The following CCDC178 variants were observed in gnomAD, a reference collection of about 807,000 sequenced individuals.
The protein encoded by CCDC178 is coiled-coil domain containing 178.
CCDC178 carries 126 observed loss-of-function variants against 117.4 expected under a neutral mutation model. The observed-to-expected ratio is 1.07, with a 90% confidence interval of 0.93 to 1.24. CCDC178 has a LOEUF of 1.24. CCDC178 is among the 50% of genes most tolerant of loss of function. The pLI is 0.00. For missense variants in CCDC178, 1,030 were observed against 986.9 expected, an observed-to-expected ratio of 1.04 and a Z score of -0.59; for synonymous variants, 283 against 313.4, an observed-to-expected ratio of 0.90 and a Z score of 1.02.
chr18:33,287,852 T>C (rs1389052914), intron 12 of CCDC178, among the ~76,000 whole-genome samples: 1 of 152,154 alleles, frequency 6.6e-6, no homozygotes, highest in Non-Finnish European at 1.5e-5. Context: ...GGCCAGCGTA[T>C]TCATTTTAGA....
intron 22 of CCDC178, among the ~76,000 whole-genome samples, chr18:32,958,444 T>C (rs549507371): frequency 1.3e-5 from 2 of 152,302 alleles, no homozygotes; most frequent in South Asian, 2.1e-4. Context: ...AGCATTCCAA[T>C]AGATGTGTTT....
chr18:33,069,267 G>A (rs1377299463), intron 21 of CCDC178, among the ~76,000 whole-genome samples: 2 of 151,898 alleles, frequency 1.3e-5, no homozygotes, highest in South Asian at 2.1e-4. Flanking sequence ...TCACACTACC[G>A]GATTTTAAAG....
chr18:33,038,648 G>A (rs1042034429), intron 21 of CCDC178, among the ~76,000 whole-genome samples: 9 of 151,974 alleles, frequency 5.9e-5, no homozygotes, highest in Non-Finnish European at 1.3e-4. Flanking sequence ...AGAAAAAATA[G>A]CGCAGGCTAG....
chr18:33,075,881 A>C (rs1567972912), intron 21 of CCDC178, among the ~76,000 whole-genome samples: 1 of 152,192 alleles, frequency 6.6e-6, no homozygotes, highest in Admixed American at 6.5e-5. Context: ...AGGCAGGAGA[A>C]TCACTTGCTC....
chr18:33,128,035 C>T (rs560687193), intron 20 of CCDC178, among the ~76,000 whole-genome samples: 1 of 152,244 alleles, frequency 6.6e-6, no homozygotes, highest in African/African-American at 2.4e-5. Flanking sequence ...GAGAAAACTT[C>T]CAGGCTTGGA....
chr18:33,127,884 TGG>T (rs1329011374), intron 20 of CCDC178, among the ~76,000 whole-genome samples: 2 of 152,088 alleles, frequency 1.3e-5, no homozygotes, highest in African/African-American at 4.8e-5. Flanking sequence ...CCACTATCTC[TGG>T]ATGAAGGATT....
intron 11 of CCDC178, among the ~76,000 whole-genome samples, chr18:33,296,340 C>A (rs1345246976): frequency 6.6e-6 from 1 of 151,688 alleles, no homozygotes; most frequent in Non-Finnish European, 1.5e-5. Flanking sequence ...GTATTCTGAT[C>A]GTAGTGGTAG....
intron 11 of CCDC178, among the ~76,000 whole-genome samples, chr18:33,317,186 C>T (rs1163346312): frequency 6.6e-6 from 1 of 152,132 alleles, no homozygotes; most frequent in Non-Finnish European, 1.5e-5. Flanking sequence ...TGGGTCCACA[C>T]TGCCTTTATG....
chr18:33,232,939 ACTATT>A (rs2059384106), intron 15 of CCDC178, among the ~76,000 whole-genome samples: 1 of 152,124 alleles, frequency 6.6e-6, no homozygotes, highest in African/African-American at 2.4e-5. Context: ...AGATTTAAAC[ACTATT>A]CTATTATTGA....
chr18:33,134,000 C>T (rs2058096942), intron 20 of CCDC178, among the ~76,000 whole-genome samples: 1 of 151,672 alleles, frequency 6.6e-6, no homozygotes, highest in African/African-American at 2.4e-5. Flanking sequence ...TGATTTTGTC[C>T]CCTTAGATGC....
In CCDC178 at chr18:33,370,076, A is replaced by C. The variant is rs1685117484; in HGVS notation, c.322T>G (p.Ser108Ala). 1 of 1,594,668 alleles carries C rather than the reference A, an allele frequency of 6.3e-7. No individual in the cohort carries two copies. Among genetic ancestry groups the C allele is most frequent in the Non-Finnish European group, 8.5e-7 (1 of 1,172,004 alleles). Residue 108 changes from serine (S) to alanine (A), a missense_variant, in exon 6 of 23, where the codon TCC becomes GCC. Ser to Ala is a moderately conservative substitution (Grantham distance 99). Coordinates refer to ENST00000383096, the MANE Select transcript of CCDC178 (RefSeq NM_001105528.4). ...KMISHIQDVESKIQEHLKRFE... is the reference protein window; with the variant it reads ...KMISHIQDVEAKIQEHLKRFE... ...CTTTTCAAATGCTCCTGTATTTTGG[A>C]CTCCACATCTTGGATGTGTGAAATC...
intron 21 of CCDC178, among the ~76,000 whole-genome samples, chr18:33,076,343 G>A (rs879709577): frequency 6.6e-6 from 1 of 152,108 alleles, no homozygotes; most frequent in East Asian, 1.9e-4. Context: ...TAAGAAGATC[G>A]GTCTTCACAC....
At chr18:32,978,797 G>A (rs979148787) in intron 21 of CCDC178, among the ~76,000 whole-genome samples, 20 of 152,276 alleles carry the variant, frequency 1.3e-4, no homozygotes, top group Non-Finnish European at 2.9e-4. Flanking sequence ...AGCACTTAGG[G>A]AGGTCCAGGC....
At chr18:33,105,104 G>C (rs1186779845) in intron 20 of CCDC178, among the ~76,000 whole-genome samples, 1 of 151,646 alleles carries the variant, frequency 6.6e-6, no homozygotes, top group Non-Finnish European at 1.5e-5. Flanking sequence ...AATAGAACTG[G>C]AATTTGTAAT....
At chr18:33,419,698 T>G (rs537573155) in intron 2 of CCDC178, among the ~76,000 whole-genome samples, 1 of 152,280 alleles carries the variant, frequency 6.6e-6, no homozygotes, top group African/African-American at 2.4e-5. Flanking sequence ...TCAACATCAT[T>G]AATCACTAGA....
intron 3 of CCDC178, among the ~76,000 whole-genome samples, chr18:33,398,090 A>C (rs2063664295): frequency 6.6e-6 from 1 of 152,066 alleles, no homozygotes; most frequent in Non-Finnish European, 1.5e-5. Context: ...ATAATATCAA[A>C]AAATCTAAAA....
chr18:33,349,367 T>C (rs1375821525), intron 7 of CCDC178, among the ~76,000 whole-genome samples: 2 of 151,896 alleles, frequency 1.3e-5, no homozygotes, highest in Non-Finnish European at 2.9e-5. Context: ...TGAGTAAAAA[T>C]ATCATTTCAG....
intron 11 of CCDC178, among the ~76,000 whole-genome samples, chr18:33,309,611 G>A (rs528240106): frequency 9.2e-5 from 14 of 152,070 alleles, no homozygotes; most frequent in Admixed American, 2.6e-4. Context: ...ATAAAATGCC[G>A]ACATCTGAAA....
At chr18:33,298,070 T>C (rs1426155753) in intron 11 of CCDC178, among the ~76,000 whole-genome samples, 1 of 151,744 alleles carries the variant, frequency 6.6e-6, no homozygotes, top group Non-Finnish European at 1.5e-5. Flanking sequence ...ACTTCAATTC[T>C]TCTAAAACTA....
Sources: gnomAD v4.1 joint callset for allele counts (sites outside exome capture counted in the v4.1 genomes callset) on GRCh38, gnomAD v4.1.1 for gene constraint, MANE v1.5 for transcripts, NCBI Gene and HGNC (gene_info 2026-07-23, HGNC 2026-07-21) for gene names.